The following NGEF variants were observed in gnomAD, a reference collection of about 807,000 sequenced individuals.
NGEF encodes the protein ephexin-1.
NGEF carries 31 observed loss-of-function variants against 80.9 expected under a neutral mutation model. The observed-to-expected ratio is 0.38, with a 90% confidence interval of 0.29 to 0.52. NGEF has a LOEUF of 0.52. Ranked by LOEUF, NGEF falls within the 20% of genes least tolerant of loss-of-function variation. The pLI is 0.84. For synonymous variants in NGEF, 371 were observed against 370.2 expected (o/e 1.00, Z -0.03); for missense variants, 709 against 926.2 (o/e 0.77, Z 3.04).
chr2:232,969,392 A>T (rs1299928021), intron 3 of NGEF, among the ~76,000 whole-genome samples: 1 of 150,388 alleles, frequency 6.6e-6, no homozygotes, highest in Non-Finnish European at 1.5e-5. Flanking sequence ...TTACAGGCAC[A>T]AGCTGCTCTG....
intron 2 of NGEF, among the ~76,000 whole-genome samples, chr2:232,971,505 T>G (rs1156499900): frequency 6.6e-6 from 1 of 152,114 alleles, no homozygotes; most frequent in East Asian, 1.9e-4. Flanking sequence ...GCCAACATGG[T>G]GAAACCCTGT....
At chr2:233,010,951 A>G (rs2106349531) in intron 1 of NGEF, among the ~76,000 whole-genome samples, 1 of 152,236 alleles carries the variant, frequency 6.6e-6, no homozygotes, top group South Asian at 2.1e-4. Context: ...AGACACCATC[A>G]TGGTAGCAGA....
chr2:232,943,644 C>T (rs969788679), intron 3 of NGEF, among the ~76,000 whole-genome samples: 7 of 151,468 alleles, frequency 4.6e-5, no homozygotes, highest in African/African-American at 7.3e-5. Flanking sequence ...TACAGGCGCC[C>T]GCCACTAGAC....
intron 1 of NGEF, among the ~76,000 whole-genome samples, chr2:233,006,177 C>G (rs1414583344): frequency 1.3e-5 from 2 of 152,210 alleles, no homozygotes; most frequent in Non-Finnish European, 2.9e-5. Flanking sequence ...AGCTAACACA[C>G]TCTTCTTAGT....
chr2:232,963,167 T>G (rs1468835594), intron 3 of NGEF, among the ~76,000 whole-genome samples: 2 of 151,974 alleles, frequency 1.3e-5, no homozygotes, highest in African/African-American at 4.8e-5. Flanking sequence ...GCAACAGTAT[T>G]TAAGACACTA....
At chr2:232,963,003 A>C (rs987224354) in intron 3 of NGEF, among the ~76,000 whole-genome samples, 1 of 152,004 alleles carries the variant, frequency 6.6e-6, no homozygotes, top group Non-Finnish European at 1.5e-5. Flanking sequence ...ATGCAATTTC[A>C]ACTGAAATTC....
intron 6 of NGEF, among the ~76,000 whole-genome samples, chr2:232,894,412 C>T (rs562287373): frequency 7.9e-5 from 12 of 152,184 alleles, no homozygotes; most frequent in African/African-American, 1.2e-4. Context: ...ACAAGACTCC[C>T]GTGGACCTGC....
intron 3 of NGEF, among the ~76,000 whole-genome samples, chr2:232,953,534 T>C (rs1693729423): frequency 1.3e-5 from 2 of 150,578 alleles, no homozygotes; most frequent in South Asian, 2.1e-4. Context: ...AAGTTTAACA[T>C]ACATTGTTGA....
intron 5 of NGEF, among the ~76,000 whole-genome samples, chr2:232,915,708 T>C (rs979888270): frequency 1.1e-4 from 16 of 152,304 alleles, no homozygotes; most frequent in Non-Finnish European, 2.4e-4. Context: ...TATTTATTTT[T>C]TCTGAGGTGG....
At chr2:232,921,171 G>A (rs1366642504) in intron 4 of NGEF, among the ~76,000 whole-genome samples, 1 of 152,118 alleles carries the variant, frequency 6.6e-6, no homozygotes, top group South Asian at 2.1e-4. Context: ...AGGCGATTTG[G>A]GGGCGCAGCT....
In NGEF at chr2:232,882,274, G is replaced by A. The variant is rs758623405; in HGVS notation, c.1758-9C>T. On this transcript the variant is annotated splice_polypyrimidine_tract_variant and intron_variant, in intron 12 of 14. Coordinates refer to ENST00000264051, the MANE Select transcript of NGEF (RefSeq NM_019850.3). ...AACGCTTCATCTCACTCCTGGCACA[G>A]GGAAGAGGACAGTGCCCCAACTGCA... 19 of 1,612,474 alleles carry A rather than the reference G, an allele frequency of 1.2e-5. No individual in the cohort carries two copies. The African/African-American group carries it at 2.4e-4, about 20-fold the overall frequency.
At position 232,995,056 on chromosome 2, in the gene NGEF, A is replaced by ATGTACAGTATGTATACTGTATATC. The variant is rs1559239314; in HGVS notation, c.-75+18011_-75+18012insGATATACAGTATACATACTGTACA. Among the ~76,000 whole-genome samples, 54 of 78,268 alleles carry ATGTACAGTATGTATACTGTATATC rather than the reference A, an allele frequency of 6.9e-4. 18 individuals carry two copies. The highest frequency in any genetic ancestry group is 2.4e-4 in the Admixed American group (2 of 8,272). 51.3% of individuals were successfully genotyped at this position (78,268 alleles called of 152,430 possible). A position where few individuals can be genotyped will look rare whatever the true frequency, so the allele number is the denominator to read the frequency against. On this transcript the variant is annotated intron_variant, in intron 1 of 14. Coordinates refer to ENST00000264051, the MANE Select transcript of NGEF (RefSeq NM_019850.3). ...TATGTACAGTATGTATACTGTATATATGTACAGTATGTATACTGTATATGT... is the reference window on the plus strand; with the variant it reads ...TATGTACAGTATGTATACTGTATATATGTACAGTATGTATACTGTATATCTGTACAGTATGTATACTGTATATGT...
intron 1 of NGEF, among the ~76,000 whole-genome samples, chr2:232,998,422 T>C (rs1014536440): frequency 2.6e-5 from 4 of 151,942 alleles, no homozygotes; most frequent in African/African-American, 7.3e-5. Context: ...CGCATGTGCT[T>C]AGGAAGCATG....
intron 1 of NGEF, among the ~76,000 whole-genome samples, chr2:233,011,265 G>A (rs3811588): frequency 0.12 from 17,764 of 151,818 alleles, 1,187 homozygotes; most frequent in South Asian, 0.24. Flanking sequence ...CTATGAAGGA[G>A]TAAAGGAATT....
chr2:232,958,582 A>G (rs1693881615), intron 3 of NGEF, among the ~76,000 whole-genome samples: 1 of 152,258 alleles, frequency 6.6e-6, no homozygotes, highest in Non-Finnish European at 1.5e-5. Flanking sequence ...GAGGAGCTTA[A>G]TGCTACCTGG....
In NGEF at chr2:232,957,778, G is replaced by A. The variant is rs559357359; in HGVS notation, c.383+12436C>T. ...TGCCCAGGAGGGGAGGGAGAGCTGG[G>A]ACTGTGTCCTCCTCCAGTGTCACAC... On this transcript the variant is annotated intron_variant, in intron 3 of 14. Coordinates refer to ENST00000264051, the MANE Select transcript of NGEF (RefSeq NM_019850.3). Among the ~76,000 whole-genome samples, 200 of 152,322 alleles carry A rather than the reference G, an allele frequency of 1.3e-3. 2 individuals are homozygous for A. The highest frequency in any genetic ancestry group is 4.4e-3 in the African/African-American group (185 of 41,576).
At chr2:232,886,776 T>C (rs1256403988) in intron 9 of NGEF, among the ~76,000 whole-genome samples, 1 of 152,222 alleles carries the variant, frequency 6.6e-6, no homozygotes, top group African/African-American at 2.4e-5. Context: ...TCACGGGCCA[T>C]GGTGGCCCCG....
intron 3 of NGEF, among the ~76,000 whole-genome samples, chr2:232,942,088 A>AC (rs1391477286): frequency 6.6e-6 from 1 of 152,128 alleles, no homozygotes; most frequent in Non-Finnish European, 1.5e-5. Context: ...TTTTCCTAAC[A>AC]CCACAAGCCC....
intron 5 of NGEF, among the ~76,000 whole-genome samples, chr2:232,905,280 T>A (rs1559202649): frequency 6.6e-6 from 1 of 152,222 alleles, no homozygotes; most frequent in African/African-American, 2.4e-5. Context: ...TTTCGTATTT[T>A]TTTGGTGGAA....
Sources: gnomAD v4.1 joint callset for allele counts (sites outside exome capture counted in the v4.1 genomes callset) on GRCh38, gnomAD v4.1.1 for gene constraint, MANE v1.5 for transcripts, NCBI Gene and HGNC (gene_info 2026-07-23, HGNC 2026-07-21) for gene names.